The following CIT variants were observed in gnomAD, a reference collection of about 807,000 sequenced individuals.
CIT encodes citron Rho-interacting kinase.
Under a neutral mutation model 272.7 loss-of-function variants are expected in CIT, and 79 were observed. The observed-to-expected ratio is 0.29, with a 90% confidence interval of 0.24 to 0.35. The LOEUF (loss-of-function observed/expected upper bound fraction) is 0.35, where lower values mean the gene tolerates loss of function less well. CIT is among the 10% of genes least tolerant of loss of function. CIT has a pLI of 1.00. For synonymous variants in CIT, 948 were observed against 995.6 expected, an observed-to-expected ratio of 0.95 and a Z score of 0.90; for missense variants, 1,909 against 2,618.3, an observed-to-expected ratio of 0.73 and a Z score of 5.91.
intron 32 of CIT, among the ~76,000 whole-genome samples, chr12:119,715,569 A>AT (rs1397909178): frequency 6.6e-6 from 1 of 151,138 alleles, no homozygotes; most frequent in Non-Finnish European, 1.5e-5. Flanking sequence ...TGTATGGAGT[A>AT]TTTTTTGGGT....
chr12:119,834,770 C>T (rs1968880846), intron 5 of CIT, among the ~76,000 whole-genome samples: 1 of 152,098 alleles, frequency 6.6e-6, no homozygotes, highest in Admixed American at 6.5e-5. Context: ...CAGGTACTTA[C>T]AATAGTTTGC....
chr12:119,772,721 A>T, intron 17 of CIT, 49 bp downstream of exon 17: 1 of 1,514,254 alleles, frequency 6.6e-7, no homozygotes, highest in East Asian at 2.4e-5. Context: ...CCTTGGGCAC[A>T]GCCAAAGGCC....
Position 119,752,250 on chromosome 12 carries a change from G to A in CIT, c.2707-3C>T. ...TGCTCCTCGTGCTCTAGACTGACCT[G>A]AGACAGAGAGAGAGAGAGAAAGAGA... On this transcript the variant is annotated splice_polypyrimidine_tract_variant and splice_region_variant and intron_variant, in intron 22 of 47. Coordinates refer to ENST00000392521, the MANE Select transcript of CIT (RefSeq NM_001206999.2). The A allele has an allele frequency of 6.3e-7, 1 of 1,576,680 alleles. No homozygotes were observed. The highest frequency in any genetic ancestry group is 8.6e-7 in the Non-Finnish European group (1 of 1,168,998).
chr12:119,700,005 A>C, intron 44 of CIT: 1 of 443,394 alleles, frequency 2.3e-6, no homozygotes, highest in Non-Finnish European at 4.6e-6. Context: ...GTGCAAAAAG[A>C]TTAGTACAAG....
rs1966365400 is a variant in CIT, at chr12:119,803,316, C to T, written c.1185G>A (p.Ser395=). 1 of 1,608,406 alleles carries T rather than the reference C, an allele frequency of 6.2e-7. No homozygotes were observed. Among genetic ancestry groups the T allele is most frequent in the East Asian group, 2.3e-5 (1 of 43,994 alleles). The part of the protein sequence containing the change: ...TSNFDEPEKN[S]WVSSSPCQLS... ...GCTGGCACGGAGAGGATGAAACCCA[C>T]GAATTCTTCTCTGGTTCATCAAAAT... The change falls in exon 10 of 48, where the codon TCG becomes TCA. Residue 395 remains serine, a synonymous_variant. Transcript: ENST00000392521.
At chr12:119,737,782 G>A (rs531120706) in intron 24 of CIT, among the ~76,000 whole-genome samples, 16 of 152,246 alleles carry the variant, frequency 1.1e-4, no homozygotes, top group Middle Eastern at 3.4e-3. Context: ...TACCCATGCC[G>A]AGATTGAAGG....
chr12:119,833,663 CAAAA>C (rs35433156), intron 6 of CIT, among the ~76,000 whole-genome samples: 103 of 83,800 alleles, frequency 1.2e-3, no homozygotes, highest in African/African-American at 4.2e-3. Flanking sequence ...GACTCTGTCT[CAAAA>C]AAAAAAAAAA....
chr12:119,710,638 A>G lies in CIT; in HGVS notation c.4855-18T>C, dbSNP rs758745627. The G allele has an allele frequency of 1.3e-5, 21 of 1,611,020 alleles. No individual in the cohort carries two copies. Among genetic ancestry groups the G allele is most frequent in the Non-Finnish European group, 1.8e-5 (21 of 1,177,226 alleles). On this transcript the variant is annotated intron_variant, in intron 37 of 47. Transcript: ENST00000392521. The surrounding 1 kb of genome is among the most constrained non-coding windows in gnomAD (Gnocchi z 5.6). ...AGCAGTTTCTTTTCATAGGTGAAAG[A>G]AAAGAAAAACAGAAGACATCGTGAG...
chr12:119,760,925 C>T lies in CIT; in HGVS notation c.2421+14G>A, dbSNP rs1420199220. ...CCTCCTTTGAACACTGGCTTGGCAA[C>T]TCCTTCTACCTACCGCCTTCTGTTC... is the stretch of plus-strand genomic sequence containing the variant. On this transcript the variant is annotated intron_variant, in intron 20 of 47. Coordinates refer to ENST00000392521, the MANE Select transcript of CIT (RefSeq NM_001206999.2). The T allele has an allele frequency of 1.9e-6, 3 of 1,566,344 alleles. No individual in the cohort carries two copies. The highest frequency in any genetic ancestry group is 2.6e-6 in the Non-Finnish European group (3 of 1,136,492).
chr12:119,711,377 C>T (rs1044620421), intron 37 of CIT, among the ~76,000 whole-genome samples: 12 of 152,198 alleles, frequency 7.9e-5, no homozygotes, highest in Non-Finnish European at 1.8e-4. Context: ...TTTCTAACAG[C>T]TTAAGGATAA....
At chr12:119,791,628 T>G (rs1409553154) in intron 10 of CIT, among the ~76,000 whole-genome samples, 1 of 152,218 alleles carries the variant, frequency 6.6e-6, no homozygotes, top group Non-Finnish European at 1.5e-5. Flanking sequence ...GTTATCCCCA[T>G]GGAGAGAAAA....
chr12:119,780,834 C>T (rs894932955), intron 13 of CIT, among the ~76,000 whole-genome samples: 10 of 152,136 alleles, frequency 6.6e-5, no homozygotes, highest in African/African-American at 2.2e-4. Flanking sequence ...AATCTGAAAC[C>T]ACGTTTCTTC....
chr12:119,782,146 GA>G (rs1354578188), intron 13 of CIT: 1 of 156,242 alleles, frequency 6.4e-6, no homozygotes, highest in African/African-American at 2.4e-5. Flanking sequence ...TTTTACTTTT[GA>G]TTTTTTTTCC....
intron 28 of CIT, among the ~76,000 whole-genome samples, chr12:119,724,398 T>C (rs1957972773): frequency 6.6e-6 from 1 of 152,198 alleles, no homozygotes; most frequent in Admixed American, 6.5e-5. Context: ...TTTAATGTAA[T>C]AGAACCAATA....
chr12:119,789,702 TTTTTG>T (rs1364732526), intron 10 of CIT, among the ~76,000 whole-genome samples: 4 of 152,198 alleles, frequency 2.6e-5, no homozygotes, highest in South Asian at 2.1e-4. Flanking sequence ...CTTTTTTTGT[TTTTTG>T]TTTTGTTTTG....
intron 10 of CIT, among the ~76,000 whole-genome samples, chr12:119,787,460 G>A (rs1451644698): frequency 6.6e-6 from 1 of 150,960 alleles, no homozygotes; most frequent in Non-Finnish European, 1.5e-5. Flanking sequence ...GGCCGGGCGC[G>A]GTGGCTGATG....
At chr12:119,700,848 G>A in intron 43 of CIT, 23 bp from the exon 44 acceptor site, 1 of 1,599,058 alleles carries the variant, frequency 6.3e-7, no homozygotes, top group Non-Finnish European at 8.6e-7. Flanking sequence ...AAGAGCACGT[G>A]GGCATTAGCA....
At chr12:119,785,315 C>A (rs1964684441) in intron 10 of CIT, among the ~76,000 whole-genome samples, 1 of 152,130 alleles carries the variant, frequency 6.6e-6, no homozygotes, top group Admixed American at 6.6e-5. Context: ...TGGAAAGATT[C>A]TCCTGGGATA....
intron 4 of CIT, among the ~76,000 whole-genome samples, chr12:119,853,563 G>A (rs1041014827): frequency 6.6e-6 from 1 of 152,082 alleles, no homozygotes; most frequent in African/African-American, 2.4e-5. Flanking sequence ...ACAGGCGTGA[G>A]CAAAGTCACA....
Sources: gnomAD v4.1 joint callset for allele counts (sites outside exome capture counted in the v4.1 genomes callset) on GRCh38, gnomAD v4.1.1 for gene constraint, Gnocchi (gnomAD v3.1) non-coding constraint, MANE v1.5 for transcripts, NCBI Gene and HGNC (gene_info 2026-07-23, HGNC 2026-07-21) for gene names.